The following SH3KBP1 variants were observed in gnomAD, a reference collection of about 807,000 sequenced individuals.
The protein encoded by SH3KBP1 is SH3 domain containing kinase binding protein 1.
Under a neutral mutation model 50.1 loss-of-function variants are expected in SH3KBP1, and 8 were observed. The observed-to-expected ratio is 0.16, with a 90% CI of 0.09 to 0.29. SH3KBP1 has a LOEUF of 0.29. Among genes scored for constraint, SH3KBP1 ranks in the 10% least tolerant of loss-of-function variants. The probability of loss-of-function intolerance (pLI) is 1.00; values close to 1 mark genes in which losing one functional copy is unlikely to be tolerated. For synonymous variants in SH3KBP1, 227 were observed against 218.6 expected, an observed-to-expected ratio of 1.04 and a Z score of -0.34; for missense variants, 377 against 535.2, an observed-to-expected ratio of 0.70 and a Z score of 2.92.
rs931493226 is a variant in SH3KBP1, at chrX:19,878,519, A to T, written c.4+8788T>A. ...GTGTGTGTGTGTGAGAGAGAGAGAG[A>T]GAGAGAGAGAGAGAAAATAAAGGGC... On this transcript the variant is annotated intron_variant, in intron 1 of 17. Transcript: ENST00000397821. Among the ~76,000 whole-genome samples, 623 of 101,698 alleles carry T rather than the reference A, an allele frequency of 6.1e-3. 4 individuals carry two copies. Among genetic ancestry groups the T allele is most frequent in the African/African-American group, 8.3e-3 (213 of 25,544 alleles). 88.3% of individuals were successfully genotyped at this position (101,698 alleles called of 115,157 possible). A position where few individuals can be genotyped will look rare whatever the true frequency, so the allele number is the denominator to read the frequency against.
intron 3 of SH3KBP1, among the ~76,000 whole-genome samples, chrX:19,726,531 T>C (rs1327889820): frequency 9.0e-6 from 1 of 111,229 alleles, no homozygotes; most frequent in Non-Finnish European, 1.9e-5. Flanking sequence ...GCAGGTTATA[T>C]AGGTAAACTC....
intron 2 of SH3KBP1, among the ~76,000 whole-genome samples, chrX:19,783,700 G>A (rs776265642): frequency 6.3e-5 from 7 of 111,127 alleles, no homozygotes; most frequent in Non-Finnish European, 1.1e-4. Flanking sequence ...TAGTGTATTC[G>A]AAATGTCTAT....
chrX:19,541,903 C>G (rs1476038352), intron 16 of SH3KBP1, 22 bp downstream of exon 16: 1 of 1,192,131 alleles, frequency 8.4e-7, no homozygotes, highest in South Asian at 1.9e-5. Context: ...GTGACGGCCC[C>G]CAAGAGTCCC....
In SH3KBP1 at chrX:19,670,347, G is replaced by A. The variant is rs1408580432; in HGVS notation, c.726+13476C>T. On this transcript the variant is annotated intron_variant, in intron 6 of 17. Transcript: ENST00000397821. Reference sequence around the variant, plus strand: ...ACTCACAAAGAAAACTCCAAATGTCGGTGACCCTCAAGAGTGAAACGCCCC... The same window carrying A: ...ACTCACAAAGAAAACTCCAAATGTCAGTGACCCTCAAGAGTGAAACGCCCC... The A allele has an allele frequency of 2.1e-5, 16 of 751,441 alleles. No homozygotes were observed. In the Admixed American group the frequency reaches 4.4e-4, roughly 21 times the overall value. The allele number at this position is 751,441 out of a possible 1,213,427, so 61.9% of individuals were successfully genotyped here. A position where few individuals can be genotyped will look rare whatever the true frequency, so the allele number is the denominator to read the frequency against.
chrX:19,789,159 A>G (rs2066456753), intron 2 of SH3KBP1, among the ~76,000 whole-genome samples: 2 of 111,701 alleles, frequency 1.8e-5, no homozygotes, highest in South Asian at 7.6e-4. Flanking sequence ...AAGAAAGAAA[A>G]AGAAAAACCT....
intron 8 of SH3KBP1, among the ~76,000 whole-genome samples, chrX:19,624,401 C>G (rs1468330215): frequency 9.0e-6 from 1 of 111,538 alleles, no homozygotes; most frequent in Non-Finnish European, 1.9e-5. Flanking sequence ...GTTGAACAAA[C>G]ACAGGATCTC....
chrX:19,880,075 C>T (rs900635141), intron 1 of SH3KBP1, among the ~76,000 whole-genome samples: 1 of 112,959 alleles, frequency 8.9e-6, no homozygotes, highest in African/African-American at 3.2e-5. Context: ...CCAGATAGTG[C>T]TGTGTCCCCC....
chrX:19,710,459 T>C (rs1437566625), intron 3 of SH3KBP1, among the ~76,000 whole-genome samples: 1 of 112,016 alleles, frequency 8.9e-6, no homozygotes, highest in Non-Finnish European at 1.9e-5. Flanking sequence ...CCTCGCTGCA[T>C]TACATCATGT....
At chrX:19,874,637 A>C in intron 1 of SH3KBP1, among the ~76,000 whole-genome samples, 1 of 98,679 alleles carries the variant, frequency 1.0e-5, no homozygotes, top group African/African-American at 3.8e-5. Context: ...AATAAGAGGA[A>C]CGGGCTGGGA....
At chrX:19,858,697 T>C (rs2068713417) in intron 1 of SH3KBP1, among the ~76,000 whole-genome samples, 1 of 112,421 alleles carries the variant, frequency 8.9e-6, no homozygotes, top group Non-Finnish European at 1.9e-5. Context: ...AAGTTCTCCA[T>C]GATTTGTTAT....
Position 19,745,963 on chromosome X carries a change from A to T in SH3KBP1, c.286+355T>A, listed in dbSNP as rs193103729. Reference sequence around the variant, plus strand: ...CTTGATAAGGTTTGCCTTAAATTAAAGGGAGAGTGCGGTCAGACACACGGC... The same window carrying T: ...CTTGATAAGGTTTGCCTTAAATTAATGGGAGAGTGCGGTCAGACACACGGC... On this transcript the variant is annotated intron_variant, in intron 3 of 17. Transcript: ENST00000397821. Among the ~76,000 whole-genome samples, 41 of 112,648 alleles carry T rather than the reference A, an allele frequency of 3.6e-4. No individual in the cohort carries two copies. In the East Asian group the frequency reaches 8.1e-3, roughly 22 times the overall value.
At chrX:19,700,101 G>A (rs1188254514) in intron 4 of SH3KBP1, among the ~76,000 whole-genome samples, 1 of 111,458 alleles carries the variant, frequency 9.0e-6, no homozygotes, top group Non-Finnish European at 1.9e-5. Context: ...CTGGGGTTAG[G>A]GGGATGCACC....
chrX:19,870,905 C>T (rs916536551), intron 1 of SH3KBP1, among the ~76,000 whole-genome samples: 18 of 111,616 alleles, frequency 1.6e-4, no homozygotes, highest in Non-Finnish European at 2.3e-4. Context: ...ACCGCCGTGT[C>T]TCCTGTTACT....
chrX:19,713,508 T>C (rs2063828853), intron 3 of SH3KBP1, among the ~76,000 whole-genome samples: 2 of 108,648 alleles, frequency 1.8e-5, no homozygotes, highest in South Asian at 8.2e-4. Flanking sequence ...GTGATCCTCC[T>C]GCCTCAGCCT....
At chrX:19,552,940 G>C (rs1013797043) in intron 13 of SH3KBP1, among the ~76,000 whole-genome samples, 2 of 110,603 alleles carry the variant, frequency 1.8e-5, no homozygotes, top group African/African-American at 6.6e-5. Context: ...CCAGGGCCCA[G>C]TGAATAGAGA....
chrX:19,731,859 C>G (rs1020354283), intron 3 of SH3KBP1, among the ~76,000 whole-genome samples: 13 of 111,067 alleles, frequency 1.2e-4, no homozygotes, highest in Non-Finnish European at 3.8e-5. Context: ...ACAACACTTG[C>G]GGAAGAATAA....
At chrX:19,834,281 T>G (rs2067996943) in intron 2 of SH3KBP1, among the ~76,000 whole-genome samples, 1 of 111,293 alleles carries the variant, frequency 9.0e-6, no homozygotes, top group South Asian at 3.7e-4. Flanking sequence ...TTGGCGGGGG[T>G]CACCTGCTTC....
chrX:19,714,897 T>C (rs2063867372), intron 3 of SH3KBP1, among the ~76,000 whole-genome samples: 1 of 111,950 alleles, frequency 8.9e-6, no homozygotes, highest in Admixed American at 9.5e-5. Flanking sequence ...CCTAGCAGAA[T>C]GTCCTCATAC....
At chrX:19,870,638 G>T (rs1333978344) in intron 1 of SH3KBP1, among the ~76,000 whole-genome samples, 1 of 111,871 alleles carries the variant, frequency 8.9e-6, no homozygotes, top group East Asian at 2.8e-4. Flanking sequence ...GAGCCACCAT[G>T]CCCAGCCCAC....
Sources: gnomAD v4.1 joint callset for allele counts (sites outside exome capture counted in the v4.1 genomes callset) on GRCh38, gnomAD v4.1.1 for gene constraint, MANE v1.5 for transcripts, NCBI Gene and HGNC (gene_info 2026-07-23, HGNC 2026-07-21) for gene names.